SPIDR: variants seen among roughly 807,000 people sequenced by gnomAD.
The protein encoded by SPIDR is DNA repair-scaffolding protein.
In SPIDR, 93 loss-of-function variants were observed where a neutral mutation model predicts 104.6. The observed-to-expected ratio is 0.89, with a 90% confidence interval of 0.75 to 1.06. The LOEUF (loss-of-function observed/expected upper bound fraction) is 1.06. Among genes scored for constraint, SPIDR ranks in the 50% least tolerant of loss-of-function variants. The pLI is 0.00. For synonymous variants in SPIDR, 431 were observed against 416.9 expected (o/e 1.03, Z -0.41); for missense variants, 1,154 against 1,111.2 (o/e 1.04, Z -0.55).
intron 8 of SPIDR, among the ~76,000 whole-genome samples, chr8:47,464,817 G>A (rs2074513412): frequency 6.6e-6 from 1 of 152,090 alleles, no homozygotes; most frequent in Non-Finnish European, 1.5e-5. Context: ...CACCCAGGCA[G>A]GAGTGTCTTG....
intron 8 of SPIDR, among the ~76,000 whole-genome samples, chr8:47,591,629 A>G (rs1423166090): frequency 3.3e-5 from 5 of 152,146 alleles, no homozygotes; most frequent in Admixed American, 2.0e-4. Flanking sequence ...TTTTGGTTCA[A>G]TCAATCAAGC....
chr8:47,702,983 C>T (rs1158383087), intron 14 of SPIDR, among the ~76,000 whole-genome samples: 1 of 152,228 alleles, frequency 6.6e-6, no homozygotes, highest in Non-Finnish European at 1.5e-5. Context: ...CCCCAGTGCA[C>T]CACGAGTCGG....
chr8:47,702,059 T>G, intron 14 of SPIDR, 44 bp downstream of exon 14: 4 of 488,948 alleles, frequency 8.2e-6, no homozygotes, highest in South Asian at 7.9e-5. Context: ...CCTTTCTCTC[T>G]CTCTCTCTCT....
At chr8:47,504,391 T>C (rs1035454678) in intron 8 of SPIDR, among the ~76,000 whole-genome samples, 3 of 152,192 alleles carry the variant, frequency 2.0e-5, no homozygotes, top group African/African-American at 7.2e-5. Flanking sequence ...CATTTGATCT[T>C]CTATCACTGA....
At chr8:47,382,393 CT>C (rs1206514460) in intron 5 of SPIDR, among the ~76,000 whole-genome samples, 1 of 151,964 alleles carries the variant, frequency 6.6e-6, no homozygotes, top group Non-Finnish European at 1.5e-5. Context: ...AAGCATTGTG[CT>C]AATTAATTTT....
intron 10 of SPIDR, among the ~76,000 whole-genome samples, chr8:47,658,418 C>CAA (rs879442948): frequency 7.6e-6 from 1 of 130,980 alleles, no homozygotes; most frequent in African/African-American, 2.7e-5. Flanking sequence ...AACTCCATCT[C>CAA]AAAAAAAAAA....
intron 8 of SPIDR, among the ~76,000 whole-genome samples, chr8:47,484,400 T>C (rs1356936196): frequency 6.6e-6 from 1 of 152,238 alleles, no homozygotes; most frequent in African/African-American, 2.4e-5. Flanking sequence ...TAGGGTGGGC[T>C]CAGCTGTCCT....
chr8:47,466,760 A>C (rs1554717259), intron 8 of SPIDR, among the ~76,000 whole-genome samples: 1 of 151,196 alleles, frequency 6.6e-6, no homozygotes, highest in Non-Finnish European at 1.5e-5. Context: ...AACTAAAAGA[A>C]CTAGAAAACC....
chr8:47,292,232 A>G (rs909224394), intron 4 of SPIDR, among the ~76,000 whole-genome samples: 3 of 152,166 alleles, frequency 2.0e-5, no homozygotes, highest in Non-Finnish European at 2.9e-5. Flanking sequence ...TTGACGGTTC[A>G]TGTTAGTTAC....
chr8:47,521,891 C>T (rs1032446142), intron 8 of SPIDR, among the ~76,000 whole-genome samples: 2 of 151,836 alleles, frequency 1.3e-5, no homozygotes, highest in African/African-American at 4.8e-5. Flanking sequence ...AGGCCAGGCA[C>T]GATGGCTTAT....
At chr8:47,702,298 G>A (rs1412461741) in intron 14 of SPIDR, among the ~76,000 whole-genome samples, 2 of 152,116 alleles carry the variant, frequency 1.3e-5, no homozygotes, top group African/African-American at 4.8e-5. Flanking sequence ...GCTAAGCACT[G>A]GGGTGTAAGA....
In SPIDR at chr8:47,451,581, A is replaced by AACACACACAC. The variant is rs56269650; in HGVS notation, c.1097+11058_1097+11067dup. 2.2e-3 allele frequency among the ~76,000 whole-genome samples: 323 copies of AACACACACAC among 148,134 alleles called. 1 individual carries two copies. Among genetic ancestry groups the AACACACACAC allele is most frequent in the African/African-American group, 7.8e-3 (315 of 40,304 alleles). The stretch of plus-strand genomic sequence containing the variant: ...AGGCGACATTGTGAAACCCTGCCAA[A>AACACACACAC]ACACACACACACACACACACACACA... On this transcript the variant is annotated intron_variant, in intron 8 of 19. Transcript: ENST00000297423.
At chr8:47,573,342 A>G (rs773812662) in intron 8 of SPIDR, among the ~76,000 whole-genome samples, 3 of 152,176 alleles carry the variant, frequency 2.0e-5, no homozygotes, top group Non-Finnish European at 4.4e-5. Context: ...ATGGCCTAGT[A>G]CTGACTTCTC....
At position 47,728,500 on chromosome 8, in the gene SPIDR, T is replaced by G. The variant is rs1321390184; in HGVS notation, c.2436-433T>G. Among the ~76,000 whole-genome samples the G allele has an allele frequency of 2.6e-5, 4 of 151,856 alleles. No individual in the cohort carries two copies. In the South Asian group the frequency reaches 6.2e-4, roughly 24 times the overall value. On this transcript the variant is annotated intron_variant, in intron 17 of 19. Transcript: ENST00000297423. The stretch of plus-strand genomic sequence containing the variant: ...AAAGAGCAAATGTCTCCTTGGCATA[T>G]CTGGGCTGGTGGCCTTACACAAGCC...
At chr8:47,603,141 A>G (rs747344292) in intron 10 of SPIDR, among the ~76,000 whole-genome samples, 43 of 137,066 alleles carry the variant, frequency 3.1e-4, no homozygotes, top group Admixed American at 7.3e-4. Context: ...TGCATGACTA[A>G]TAAAGCCATA....
At chr8:47,578,479 A>T (rs543583016) in intron 8 of SPIDR, among the ~76,000 whole-genome samples, 53 of 152,200 alleles carry the variant, frequency 3.5e-4, no homozygotes, top group East Asian at 1.7e-3. Context: ...CTCAAAAAAA[A>T]AATAATAATA....
chr8:47,588,026 CATATATATATATATATATATATAT>C (rs71548440), intron 8 of SPIDR, among the ~76,000 whole-genome samples: 363 of 23,412 alleles, frequency 0.016, 5 homozygotes, highest in Middle Eastern at 0.026. Context: ...TTAAAATTAG[CATATATATATATATATATATATAT>C]ATATATATAT....
intron 10 of SPIDR, chr8:47,659,720 C>T (rs1563454821): frequency 1.0e-6 from 1 of 985,160 alleles, no homozygotes; most frequent in Non-Finnish European, 1.2e-6. Context: ...CCCATGCTCC[C>T]TTTTTTTCTC....
intron 8 of SPIDR, among the ~76,000 whole-genome samples, chr8:47,523,489 G>A (rs1052449156): frequency 6.6e-6 from 1 of 152,192 alleles, no homozygotes; most frequent in Non-Finnish European, 1.5e-5. Context: ...TGTGGAGAGT[G>A]CAAAGGTGTA....
Sources: allele counts gnomAD v4.1 joint callset (sites outside exome capture counted in the v4.1 genomes callset), GRCh38; gene constraint gnomAD v4.1.1; transcripts MANE v1.5; gene names NCBI Gene and HGNC (gene_info 2026-07-23, HGNC 2026-07-21).